SGCZ: variants seen among roughly 807,000 people sequenced by gnomAD.
SGCZ encodes the protein sarcoglycan zeta, also known as zeta-sarcoglycan.
A neutral mutation model predicts 41.3 loss-of-function variants in SGCZ; 40 were observed. That is an observed-to-expected ratio of 0.97 (90% CI 0.75 to 1.26). The LOEUF (loss-of-function observed/expected upper bound fraction) is 1.26. Among genes scored for constraint, SGCZ ranks in the 50% most tolerant of loss-of-function variants. The pLI is 0.00. For missense variants in SGCZ, 552 were observed against 369.8 expected, an observed-to-expected ratio of 1.49 and a Z score of -4.04; for synonymous variants, 206 against 137.5, an observed-to-expected ratio of 1.50 and a Z score of -3.49.
At chr8:15,031,985 C>T (rs1412621677) in intron 1 of SGCZ, among the ~76,000 whole-genome samples, 2 of 149,326 alleles carry the variant, frequency 1.3e-5, no homozygotes, top group African/African-American at 4.9e-5. Flanking sequence ...TTCATTTTTG[C>T]ATACACCAAA....
At chr8:14,957,785 T>G (rs998348165) in intron 1 of SGCZ, among the ~76,000 whole-genome samples, 10 of 152,078 alleles carry the variant, frequency 6.6e-5, no homozygotes, top group Admixed American at 6.6e-4. Flanking sequence ...CTTCTCATGG[T>G]GGATGCTGTA....
intron 1 of SGCZ, among the ~76,000 whole-genome samples, chr8:15,115,652 G>A (rs1993314): frequency 0.58 from 87,929 of 151,784 alleles, 26,238 homozygotes; most frequent in Admixed American, 0.66. Context: ...GACAAGGAAT[G>A]TTAGTATGCA....
intron 1 of SGCZ, among the ~76,000 whole-genome samples, chr8:14,890,017 G>C (rs899976643): frequency 2.0e-5 from 3 of 152,098 alleles, no homozygotes; most frequent in African/African-American, 7.2e-5. Flanking sequence ...AGGAGTTTGA[G>C]ACCAGCCTGG....
intron 2 of SGCZ, chr8:14,487,812 T>C (rs1243186924): frequency 3.3e-5 from 5 of 151,444 alleles, no homozygotes; most frequent in African/African-American, 4.9e-5. Flanking sequence ...CATGTCATCT[T>C]TGGACAGGGG....
intron 5 of SGCZ, among the ~76,000 whole-genome samples, chr8:14,152,941 A>G (rs1009029790): frequency 1.3e-5 from 2 of 152,244 alleles, no homozygotes; most frequent in Non-Finnish European, 2.9e-5. Context: ...AGTAAATACC[A>G]TATGATTCTG....
intron 1 of SGCZ, among the ~76,000 whole-genome samples, chr8:15,186,200 T>C (rs1374794833): frequency 7.2e-6 from 1 of 139,540 alleles, no homozygotes; most frequent in Admixed American, 7.7e-5. Flanking sequence ...AGGCGGAGCT[T>C]GCAGTGAGCA....
intron 4 of SGCZ, among the ~76,000 whole-genome samples, chr8:14,193,332 T>C (rs549084147): frequency 0.14 from 473 of 3,346 alleles, 2 homozygotes; most frequent in African/African-American, 0.17. Flanking sequence ...AAATGCAGCA[T>C]GCTATTTTTT....
intron 1 of SGCZ, among the ~76,000 whole-genome samples, chr8:14,621,505 T>C (rs967233096): frequency 6.6e-6 from 1 of 151,644 alleles, no homozygotes; most frequent in African/African-American, 2.4e-5. Flanking sequence ...TAAAATAAAA[T>C]ACAAACTCAA....
chr8:15,065,579 G>C (rs934814747), intron 1 of SGCZ, among the ~76,000 whole-genome samples: 13 of 151,804 alleles, frequency 8.6e-5, no homozygotes, highest in Admixed American at 8.5e-4. Context: ...TGAGTAGATG[G>C]GAGTACAGGG....
intron 1 of SGCZ, among the ~76,000 whole-genome samples, chr8:14,628,804 C>G (rs77571706): frequency 0.11 from 15,991 of 152,104 alleles, 959 homozygotes; most frequent in African/African-American, 0.18. Context: ...AAACTTCTGA[C>G]TTAAAATAAG....
At chr8:14,625,588 G>A (rs1417690196) in intron 1 of SGCZ, among the ~76,000 whole-genome samples, 2 of 151,930 alleles carry the variant, frequency 1.3e-5, no homozygotes, top group Non-Finnish European at 2.9e-5. Context: ...TGTTGTTGTT[G>A]TTGTTTTTGT....
At chr8:15,177,310 C>G (rs1347153769) in intron 1 of SGCZ, among the ~76,000 whole-genome samples, 2 of 152,142 alleles carry the variant, frequency 1.3e-5, no homozygotes, top group Non-Finnish European at 2.9e-5. Context: ...AACGTCCCAC[C>G]TACAGCAGCT....
chr8:15,035,955 T>A (rs918292912), intron 1 of SGCZ, among the ~76,000 whole-genome samples: 1 of 151,556 alleles, frequency 6.6e-6, no homozygotes, highest in Admixed American at 6.6e-5. Flanking sequence ...TAAATAAACA[T>A]CAAACTTAGC....
At chr8:14,096,103 T>C (rs1042736828) in intron 7 of SGCZ, among the ~76,000 whole-genome samples, 1 of 152,034 alleles carries the variant, frequency 6.6e-6, no homozygotes, top group African/African-American at 2.4e-5. Flanking sequence ...ATTTCTTTCT[T>C]TTTCCTGACT....
At chr8:14,908,050 A>G (rs1311018044) in intron 1 of SGCZ, among the ~76,000 whole-genome samples, 1 of 152,220 alleles carries the variant, frequency 6.6e-6, no homozygotes, top group South Asian at 2.1e-4. Context: ...ACAGATACAT[A>G]GAAACCACTG....
At position 14,883,773 on chromosome 8, in the gene SGCZ, G is replaced by GT. The variant is rs1168120518; in HGVS notation, c.40-328848dup. Among the ~76,000 whole-genome samples the GT allele has an allele frequency of 1.2e-3, 128 of 103,436 alleles. 1 individual carries two copies. Among genetic ancestry groups the GT allele is most frequent in the African/African-American group, 4.5e-3 (111 of 24,880 alleles). 67.9% of individuals were successfully genotyped at this position (103,436 alleles called of 152,430 possible). The stretch of plus-strand genomic sequence containing the variant: ...TTATAGCTATCTTTGCTGGCATCCT[G>GT]TTGTTTTTTTTTTTTTTTTTTTTTC... On this transcript the variant is annotated intron_variant, in intron 1 of 7. Transcript: ENST00000382080.
chr8:14,506,176 AAAACAAAC>A (rs74273419), intron 2 of SGCZ, among the ~76,000 whole-genome samples: 11,217 of 151,900 alleles, frequency 0.074, 643 homozygotes, highest in African/African-American at 0.16. Flanking sequence ...TGTCTACTAA[AAAACAAAC>A]AAACAAACAA....
chr8:14,551,569 AAT>A (rs1308405900), intron 2 of SGCZ, among the ~76,000 whole-genome samples: 189 of 18,374 alleles, frequency 0.01, 13 homozygotes, highest in African/African-American at 0.042. Context: ...TTATATATAT[AAT>A]ATATATATAA....
intron 5 of SGCZ, among the ~76,000 whole-genome samples, chr8:14,143,851 C>T (rs980778054): frequency 7.2e-5 from 11 of 152,072 alleles, no homozygotes; most frequent in African/African-American, 1.9e-4. Flanking sequence ...AGGGATAACA[C>T]GGCAATTGTG....
Sources: gnomAD v4.1 joint callset for allele counts (sites outside exome capture counted in the v4.1 genomes callset) on GRCh38, gnomAD v4.1.1 for gene constraint, MANE v1.5 for transcripts, NCBI Gene and HGNC (gene_info 2026-07-23, HGNC 2026-07-21) for gene names.